RANBP2: variants seen among roughly 807,000 people sequenced by gnomAD.
RANBP2 encodes RAN binding protein 2, also known as E3 SUMO-protein ligase RanBP2.
A neutral mutation model predicts 303.6 loss-of-function variants in RANBP2; 57 were observed. That is an observed-to-expected ratio of 0.19 (90% CI 0.15 to 0.23). The LOEUF (loss-of-function observed/expected upper bound fraction) is 0.23. Ranked by LOEUF, RANBP2 falls within the 10% of genes least tolerant of loss-of-function variation. The pLI, the probability that RANBP2 is intolerant of heterozygous loss-of-function variation, is 1.00. For missense variants in RANBP2, 3,138 were observed against 3,780.8 expected (o/e 0.83, Z 4.46); for synonymous variants, 1,167 against 1,301.5 (o/e 0.90, Z 2.23).
chr2:109,602,901 CAAAAAA>C, the RANBP2 span, among the ~76,000 whole-genome samples: 2 of 110,394 alleles, frequency 1.8e-5, no homozygotes, highest in Admixed American at 9.3e-5. Flanking sequence ...GACCCTGTCT[CAAAAAA>C]AAAAAAAAAA....
Position 108,783,613 on chromosome 2 carries a change from A to G in RANBP2, c.9387A>G (p.Lys3129=), listed in dbSNP as rs745694111. The G allele has an allele frequency of 1.6e-5, 25 of 1,611,372 alleles. No homozygotes were observed. Among genetic ancestry groups the G allele is most frequent in the Non-Finnish European group, 2.1e-5 (25 of 1,178,428 alleles). The change falls in exon 29 of 29, where the codon AAA becomes AAG. Residue 3129 remains lysine, a synonymous_variant. Coordinates refer to ENST00000283195, the MANE Select transcript of RANBP2 (RefSeq NM_006267.5). The part of the protein sequence containing the change: ...DFVCQGGDIT[K]HDGTGGQSIY... ...TTTTTCAGGGAGGAGATATCACCAA[A>G]CATGATGGAACAGGCGGACAGTCCA...
At chr2:109,161,715 G>A in the RANBP2 span, among the ~76,000 whole-genome samples, 1 of 151,898 alleles carries the variant, frequency 6.6e-6, no homozygotes, top group Non-Finnish European at 1.5e-5. Context: ...GCCGGGAGCA[G>A]GACATGCCAG....
chr2:108,791,777 G>A, the RANBP2 span: 10 of 1,594,658 alleles, frequency 6.3e-6, no homozygotes, highest in Admixed American at 8.5e-5. Context: ...AAATAACCAA[G>A]CAGTCTTTTA....
the RANBP2 span, among the ~76,000 whole-genome samples, chr2:108,890,146 TCTC>T: frequency 2.0e-5 from 3 of 151,216 alleles, no homozygotes; most frequent in African/African-American, 4.9e-5. Context: ...TTTTTTTTCT[TCTC>T]AGCACTTTGA....
chr2:109,677,011 C>T, the RANBP2 span, among the ~76,000 whole-genome samples: 1 of 152,274 alleles, frequency 6.6e-6, no homozygotes, highest in Admixed American at 6.5e-5. Context: ...ATTTGCCCCA[C>T]ACCTCACTAA....
intron 7 of RANBP2, among the ~76,000 whole-genome samples, chr2:108,742,150 C>A (rs1259289572): frequency 6.6e-6 from 1 of 151,850 alleles, no homozygotes; most frequent in Non-Finnish European, 1.5e-5. Flanking sequence ...GCATGCGCCA[C>A]CACGCCCGTC....
the RANBP2 span, among the ~76,000 whole-genome samples, chr2:109,485,296 G>A: frequency 6.6e-6 from 1 of 152,206 alleles, no homozygotes; most frequent in African/African-American, 2.4e-5. Flanking sequence ...GAATAAATGT[G>A]CACTTACGGG....
At chr2:109,491,570 T>TA in the RANBP2 span, among the ~76,000 whole-genome samples, 11 of 152,144 alleles carry the variant, frequency 7.2e-5, no homozygotes, top group Non-Finnish European at 1.5e-4. Flanking sequence ...CATGGCCCAC[T>TA]AAGGCTGTGG....
chr2:109,569,180 G>A, the RANBP2 span, among the ~76,000 whole-genome samples: 2 of 152,120 alleles, frequency 1.3e-5, no homozygotes, highest in African/African-American at 4.8e-5. Context: ...TGTAATCCCA[G>A]CACTTTGAAA....
the RANBP2 span, among the ~76,000 whole-genome samples, chr2:109,343,032 C>T: frequency 2.6e-5 from 4 of 152,192 alleles, no homozygotes; most frequent in South Asian, 2.1e-4. Flanking sequence ...GGGAGCACGC[C>T]GCAGTGTGAG....
the RANBP2 span, among the ~76,000 whole-genome samples, chr2:108,798,219 TAC>T: frequency 6.6e-6 from 1 of 152,184 alleles, no homozygotes; most frequent in Admixed American, 6.5e-5. Context: ...AGTGGACTCT[TAC>T]TATAGTGTCA....
At chr2:109,279,267 C>T in the RANBP2 span, among the ~76,000 whole-genome samples, 2 of 152,210 alleles carry the variant, frequency 1.3e-5, no homozygotes, top group South Asian at 4.1e-4. Flanking sequence ...GCTCCTGCCA[C>T]GTCCTTTGTT....
At chr2:109,166,614 G>C in the RANBP2 span, among the ~76,000 whole-genome samples, 2 of 152,190 alleles carry the variant, frequency 1.3e-5, no homozygotes, top group South Asian at 4.1e-4. Context: ...AATATTTTGA[G>C]ACATTCCAGT....
chr2:108,896,625 G>T, the RANBP2 span: 1 of 452,250 alleles, frequency 2.2e-6, no homozygotes, highest in Non-Finnish European at 4.0e-6. Flanking sequence ...ATTGTTCAGT[G>T]AGTTAATGGT....
chr2:108,901,678 T>A, the RANBP2 span, among the ~76,000 whole-genome samples: 1 of 152,200 alleles, frequency 6.6e-6, no homozygotes, highest in African/African-American at 2.4e-5. Flanking sequence ...ACTTTAACTC[T>A]ACACATATAA....
the RANBP2 span, among the ~76,000 whole-genome samples, chr2:109,154,345 G>A: frequency 2.0e-5 from 3 of 152,292 alleles, no homozygotes; most frequent in Admixed American, 2.0e-4. Flanking sequence ...CATGGAGGGG[G>A]TGGTTTTGGG....
the RANBP2 span, among the ~76,000 whole-genome samples, chr2:109,280,916 G>T: frequency 6.6e-6 from 1 of 152,184 alleles, no homozygotes; most frequent in African/African-American, 2.4e-5. Context: ...CTGCAAATGT[G>T]GAAACTAAAG....
At chr2:109,412,914 T>G in the RANBP2 span, among the ~76,000 whole-genome samples, 3 of 152,196 alleles carry the variant, frequency 2.0e-5, no homozygotes, top group African/African-American at 7.2e-5. Flanking sequence ...CACCTCCATT[T>G]CCACTCTGCA....
chr2:109,021,062 C>CA, the RANBP2 span, among the ~76,000 whole-genome samples: 3 of 152,180 alleles, frequency 2.0e-5, no homozygotes, highest in Non-Finnish European at 4.4e-5. Context: ...CATTTTCCAG[C>CA]AAAAGGGGCA....
Sources: allele counts gnomAD v4.1 joint callset (sites outside exome capture counted in the v4.1 genomes callset), GRCh38; gene constraint gnomAD v4.1.1; transcripts MANE v1.5; gene names NCBI Gene and HGNC (gene_info 2026-07-23, HGNC 2026-07-21).